THADA: variants seen among roughly 807,000 people sequenced by gnomAD.
The protein encoded by THADA is tRNA (32-2'-O)-methyltransferase regulator THADA.
THADA carries 213 observed loss-of-function variants against 219.8 expected under a neutral mutation model. The ratio of observed to expected loss-of-function variants is 0.97; its 90% CI spans 0.87 to 1.09. The LOEUF (loss-of-function observed/expected upper bound fraction) is 1.09, where lower values mean the gene tolerates loss of function less well. Ranked by LOEUF, THADA falls within the 50% of genes least tolerant of loss-of-function variation. THADA has a pLI of 0.00. For synonymous variants in THADA, 1,018 were observed against 828.9 expected (o/e 1.23, Z -3.92); for missense variants, 2,956 against 2,311.3 (o/e 1.28, Z -5.72).
At chr2:43,522,284 A>G (rs180779325) in intron 22 of THADA, among the ~76,000 whole-genome samples, 1 of 152,332 alleles carries the variant, frequency 6.6e-6, no homozygotes. Context: ...TATCAAGAGA[A>G]GCCATCTTAA....
chr2:43,454,929 G>GT (rs57436158), intron 26 of THADA, among the ~76,000 whole-genome samples: 33 of 149,232 alleles, frequency 2.2e-4, no homozygotes, highest in Non-Finnish European at 3.6e-4. Flanking sequence ...TATATGAGCT[G>GT]TTTTTTTTTT....
chr2:43,378,110 G>C (rs1671593428), intron 29 of THADA, among the ~76,000 whole-genome samples: 1 of 152,146 alleles, frequency 6.6e-6, no homozygotes, highest in Non-Finnish European at 1.5e-5. Context: ...ATAATGAAAA[G>C]ACTAAAAGAC....
chr2:43,515,248 TTA>T (rs1691459733), intron 22 of THADA, among the ~76,000 whole-genome samples: 1 of 54,996 alleles, frequency 1.8e-5, no homozygotes, highest in Non-Finnish European at 3.4e-5. Context: ...ATATAATATA[TTA>T]TATATAATAT....
intron 26 of THADA, among the ~76,000 whole-genome samples, chr2:43,472,835 T>C (rs1021944867): frequency 1.3e-5 from 2 of 152,220 alleles, no homozygotes; most frequent in African/African-American, 4.8e-5. Flanking sequence ...TACTAAATAC[T>C]GTAGGCAATA....
At chr2:43,293,257 A>C in intron 31 of THADA, 44 bp from the exon 32 acceptor site, 1 of 1,553,578 alleles carries the variant, frequency 6.4e-7, no homozygotes, top group Non-Finnish European at 8.7e-7. Flanking sequence ...AATCACTTTA[A>C]ATTTCCACAA....
At chr2:43,409,881 G>A (rs922776027) in intron 28 of THADA, among the ~76,000 whole-genome samples, 1 of 152,044 alleles carries the variant, frequency 6.6e-6, no homozygotes, top group South Asian at 2.1e-4. Flanking sequence ...GCCAGGCATG[G>A]TGGCATGTGC....
intron 22 of THADA, among the ~76,000 whole-genome samples, chr2:43,521,483 G>C (rs550928232): frequency 1.3e-5 from 2 of 152,288 alleles, no homozygotes; most frequent in East Asian, 3.9e-4. Context: ...TTGAACCCGG[G>C]AGACAGAGGT....
At chr2:43,497,362 A>G (rs1688392741) in intron 25 of THADA, among the ~76,000 whole-genome samples, 1 of 152,236 alleles carries the variant, frequency 6.6e-6, no homozygotes, top group Non-Finnish European at 1.5e-5. Context: ...AGCCATAAAA[A>G]GGAATGAGAT....
intron 10 of THADA, among the ~76,000 whole-genome samples, chr2:43,576,434 T>C (rs975316410): frequency 6.6e-6 from 1 of 152,176 alleles, no homozygotes; most frequent in Non-Finnish European, 1.5e-5. Flanking sequence ...AGGTAAGCAT[T>C]TACTTTTCTA....
intron 36 of THADA, among the ~76,000 whole-genome samples, chr2:43,235,963 C>A (rs371061465): frequency 5.9e-5 from 9 of 152,144 alleles, no homozygotes; most frequent in Non-Finnish European, 1.0e-4. Context: ...CCCGCCACCA[C>A]GCCCGGCTAA....
Position 43,551,878 on chromosome 2 carries a change from A to T in THADA, c.2858T>A (p.Leu953His), listed in dbSNP as rs1350175153. The change falls in exon 19 of 38, where the codon CTT becomes CAT. Residue 953 changes from leucine (L) to histidine (H), a missense_variant. Physicochemically the swap from Leu to His is moderately conservative, Grantham distance 99. Coordinates refer to ENST00000405975, the MANE Select transcript of THADA (RefSeq NM_022065.5). ...AGTGGAAAGCCTGTAGGACATCAAA[A>T]GGAGCTTCTCTACCACAGGTCTCCA... ...SEWRPVVEKL[L>H]LMSYRLSTVV... 6.2e-7 allele frequency: 1 copy of T among 1,613,932 alleles called. No individual in the cohort carries two copies. The highest frequency in any genetic ancestry group is 8.5e-7 in the Non-Finnish European group (1 of 1,179,858).
chr2:43,385,946 A>G (rs1266454810), intron 29 of THADA, among the ~76,000 whole-genome samples: 1 of 152,112 alleles, frequency 6.6e-6, no homozygotes, highest in African/African-American at 2.4e-5. Context: ...CTAATGAAAA[A>G]TGTCCCCCTC....
At chr2:43,580,895 C>A (rs76765584) in intron 8 of THADA, among the ~76,000 whole-genome samples, 24,905 of 150,958 alleles carry the variant, frequency 0.16, 2,630 homozygotes, top group African/African-American at 0.3. Flanking sequence ...AAAAAAAAAA[C>A]CAAAAAACAC....
At chr2:43,321,905 G>A (rs1044806041) in intron 30 of THADA, among the ~76,000 whole-genome samples, 5 of 152,154 alleles carry the variant, frequency 3.3e-5, no homozygotes, top group African/African-American at 1.2e-4. Context: ...TTTCCATGTG[G>A]CTTAATCCTG....
rs60448094 is a variant in THADA at position 43,501,307 on chromosome 2, C to CAAAAAAAAAAAAAA, written c.3622-2366_3622-2353dup. On this transcript the variant is annotated intron_variant, in intron 24 of 37. Transcript: ENST00000405975. ...GGCAACAAAAGCGAAACTCCAACTCCAAAAAAAAAAAAAAAAAAAAAAAAA... is the reference window on the plus strand; with the variant it reads ...GGCAACAAAAGCGAAACTCCAACTCCAAAAAAAAAAAAAAAAAAAAAAAAAAAAAAAAAAAAAAA... 6.6e-4 allele frequency among the ~76,000 whole-genome samples: 10 copies of CAAAAAAAAAAAAAA among 15,048 alleles called. 2 individuals are homozygous for CAAAAAAAAAAAAAA. The highest frequency in any genetic ancestry group is 1.1e-3 in the Non-Finnish European group (8 of 7,524). The allele number at this position is 15,048 out of a possible 152,430, so 9.9% of individuals were successfully genotyped here.
At chr2:43,566,336 TTAAATA>T in intron 15 of THADA, 1 of 573,104 alleles carries the variant, frequency 1.7e-6, no homozygotes. Context: ...CTGAGAAATA[TTAAATA>T]TAATAGAAGC....
chr2:43,287,136 CA>C (rs1275103706), intron 34 of THADA, 75 bp from the exon 35 acceptor site: 6 of 1,418,286 alleles, frequency 4.2e-6, no homozygotes, highest in African/African-American at 1.4e-5. Context: ...GGGTGACCTA[CA>C]CCAAACTGGG....
chr2:43,333,726 C>T (rs1666062130), intron 30 of THADA, among the ~76,000 whole-genome samples: 1 of 152,158 alleles, frequency 6.6e-6, no homozygotes, highest in Non-Finnish European at 1.5e-5. Context: ...AATATTTTAA[C>T]AATCATCCTG....
Position 43,575,020 on chromosome 2 carries a change from C to CT in THADA, c.1044dup (p.Glu349ArgfsTer10). ...GACAGAAACATTTCCAGCGTTGGCT[C>CT]TTTAATCCTGAAGAAAAATGAGCCA... On this transcript the variant is annotated frameshift_variant, in exon 11 of 38. Coordinates refer to ENST00000405975, the MANE Select transcript of THADA (RefSeq NM_022065.5). LOFTEE classifies it high-confidence loss of function. 6.3e-7 allele frequency: 1 copy of CT among 1,598,834 alleles called. No individual in the cohort carries two copies. Among genetic ancestry groups the CT allele is most frequent in the Non-Finnish European group, 8.5e-7 (1 of 1,173,832 alleles).
Sources: allele counts gnomAD v4.1 joint callset (sites outside exome capture counted in the v4.1 genomes callset), GRCh38; gene constraint gnomAD v4.1.1; transcripts MANE v1.5; gene names NCBI Gene and HGNC (gene_info 2026-07-23, HGNC 2026-07-21).